The following TMTC1 variants were observed in gnomAD, a reference collection of about 807,000 sequenced individuals.
The protein encoded by TMTC1 is transmembrane O-mannosyltransferase targeting cadherins 1.
A neutral mutation model predicts 104.8 loss-of-function variants in TMTC1; 73 were observed. The observed-to-expected ratio is 0.70, with a 90% CI of 0.58 to 0.85. The LOEUF (loss-of-function observed/expected upper bound fraction) is 0.85. Among genes scored for constraint, TMTC1 ranks in the 40% least tolerant of loss-of-function variants. The probability of loss-of-function intolerance (pLI) is 0.00; values close to 1 mark genes in which losing one functional copy is unlikely to be tolerated. For synonymous variants in TMTC1, 434 were observed against 428.7 expected (o/e 1.01, Z -0.15); for missense variants, 1,035 against 1,096.1 (o/e 0.94, Z 0.79).
intron 5 of TMTC1, among the ~76,000 whole-genome samples, chr12:29,742,576 A>T (rs1942855174): frequency 6.6e-6 from 1 of 152,154 alleles, no homozygotes; most frequent in African/African-American, 2.4e-5. Context: ...AAAGCTAGTA[A>T]ATTAAGTCTT....
At chr12:29,658,689 C>G (rs1939873075) in intron 5 of TMTC1, 2 of 214,546 alleles carry the variant, frequency 9.3e-6, no homozygotes, top group African/African-American at 4.6e-5. Flanking sequence ...AACAATATCA[C>G]CTTTCTTATA....
rs1218241036 is a variant in TMTC1, at chr12:29,504,123, A to G, written c.*2723T>C. The G allele has an allele frequency of 6.6e-6, 1 of 151,894 alleles. No homozygotes were observed. Among genetic ancestry groups the G allele is most frequent in the East Asian group, 1.9e-4 (1 of 5,168 alleles). 9.4% of individuals were successfully genotyped at this position (151,894 alleles called of 1,614,324 possible). A position where few individuals can be genotyped will look rare whatever the true frequency, so the allele number is the denominator to read the frequency against. ...ATAAATAAGAAAAAATCAAACAGAC[A>G]TTCAACTGAGCTCGGGGTGCTTCTG... On this transcript the variant is annotated 3_prime_UTR_variant, in exon 18 of 18. Transcript: ENST00000539277.
chr12:29,605,694 GTTTA>G (rs979709028), intron 6 of TMTC1, among the ~76,000 whole-genome samples: 7 of 151,662 alleles, frequency 4.6e-5, no homozygotes, highest in South Asian at 4.2e-4. Flanking sequence ...AAACTGTATA[GTTTA>G]TTTATTTGTT....
chr12:29,518,324 G>T (rs564061292), intron 13 of TMTC1, 148 bp downstream of exon 13: 196 of 796,028 alleles, frequency 2.5e-4, no homozygotes, highest in Admixed American at 4.4e-4. Context: ...TATTGTGGTT[G>T]CTTTCTTTGG....
intron 5 of TMTC1, among the ~76,000 whole-genome samples, chr12:29,707,378 A>G (rs1941775627): frequency 6.6e-6 from 1 of 151,712 alleles, no homozygotes; most frequent in Non-Finnish European, 1.5e-5. Flanking sequence ...AGCTGTCTTT[A>G]CTCCTGCTCC....
At chr12:29,559,437 T>A (rs1166167617) in intron 9 of TMTC1, among the ~76,000 whole-genome samples, 1 of 152,246 alleles carries the variant, frequency 6.6e-6, no homozygotes, top group Non-Finnish European at 1.5e-5. Flanking sequence ...AATGGCTTTC[T>A]CTTTCTCTTT....
chr12:29,708,993 T>G (rs1043970073), intron 5 of TMTC1, among the ~76,000 whole-genome samples: 2 of 152,200 alleles, frequency 1.3e-5, no homozygotes, highest in African/African-American at 4.8e-5. Flanking sequence ...TCAGACTAGT[T>G]CTACAACGAG....
chr12:29,571,144 T>C (rs1336187037), intron 9 of TMTC1, among the ~76,000 whole-genome samples: 2 of 152,156 alleles, frequency 1.3e-5, no homozygotes, highest in Non-Finnish European at 2.9e-5. Context: ...CAACCAAATG[T>C]AGGCAACCAA....
intron 5 of TMTC1, among the ~76,000 whole-genome samples, chr12:29,651,871 C>A (rs187457314): frequency 1.3e-5 from 2 of 150,254 alleles, no homozygotes; most frequent in African/African-American, 4.9e-5. Flanking sequence ...AGAGGTAGGG[C>A]TAAGCAAATA....
rs374320006 is a variant in TMTC1, at chr12:29,647,021, GA to G, written c.939-13686del. Reference sequence around the variant, plus strand: ...TACAGAACAGCTTCAGCTTCGTTTCGAAAAAACATGTTTCTTTTTGAGACAG... The same window carrying G: ...TACAGAACAGCTTCAGCTTCGTTTCGAAAAACATGTTTCTTTTTGAGACAG... On this transcript the variant is annotated intron_variant, in intron 5 of 17. Coordinates refer to ENST00000539277, the MANE Select transcript of TMTC1 (RefSeq NM_001193451.2). Among the ~76,000 whole-genome samples the G allele has an allele frequency of 1.4e-3, 210 of 152,102 alleles. 4 individuals carry two copies. In the South Asian group the frequency reaches 0.042, roughly 30 times the overall value.
chr12:29,611,178 T>A (rs11050316), intron 6 of TMTC1, among the ~76,000 whole-genome samples: 1 of 66,188 alleles, frequency 1.5e-5, no homozygotes, highest in Non-Finnish European at 3.2e-5. Flanking sequence ...TCTGAACTTC[T>A]TTTTTTTTTT....
Position 29,502,670 on chromosome 12 carries a change from T to C in TMTC1, c.*4176A>G, listed in dbSNP as rs914734007. 4 of 152,222 alleles carry C rather than the reference T, an allele frequency of 2.6e-5. No individual in the cohort carries two copies. The highest frequency in any genetic ancestry group is 9.6e-5 in the African/African-American group (4 of 41,452). The allele number at this position is 152,222 out of a possible 1,614,324, so 9.4% of individuals were successfully genotyped here. On this transcript the variant is annotated 3_prime_UTR_variant, in exon 18 of 18. Transcript: ENST00000539277. ...AACCAACCAATTGTGCCATACATCATTGTTAAGACTTCTTTGGCTCATTTT... is the reference window on the plus strand; with the variant it reads ...AACCAACCAATTGTGCCATACATCACTGTTAAGACTTCTTTGGCTCATTTT...
chr12:29,602,211 T>A (rs1456229963), intron 7 of TMTC1, among the ~76,000 whole-genome samples: 2 of 152,134 alleles, frequency 1.3e-5, no homozygotes, highest in Non-Finnish European at 2.9e-5. Context: ...GGCACGATCA[T>A]GGTTCACTGC....
At chr12:29,585,752 T>TA (rs1298504635) in intron 7 of TMTC1, among the ~76,000 whole-genome samples, 1 of 152,200 alleles carries the variant, frequency 6.6e-6, no homozygotes, top group Non-Finnish European at 1.5e-5. Flanking sequence ...TAGTTGTAGA[T>TA]ATGCAGCATT....
chr12:29,604,050 C>T, intron 7 of TMTC1, 128 bp downstream of exon 7: 1 of 1,279,682 alleles, frequency 7.8e-7, no homozygotes, highest in Non-Finnish European at 1.1e-6. Flanking sequence ...GTTTTTAAAG[C>T]TGAAATAATA....
intron 6 of TMTC1, among the ~76,000 whole-genome samples, chr12:29,632,574 T>C (rs1938353311): frequency 6.6e-6 from 1 of 152,194 alleles, no homozygotes; most frequent in African/African-American, 2.4e-5. Context: ...TGATTGTAAG[T>C]TTCCTAAGGC....
chr12:29,524,662 C>G (rs185470029), intron 11 of TMTC1, among the ~76,000 whole-genome samples: 1 of 152,104 alleles, frequency 6.6e-6, no homozygotes, highest in African/African-American at 2.4e-5. Context: ...AGAGTGAAGG[C>G]CCCTGGCAGT....
At chr12:29,582,620 T>A (rs1036496644) in intron 8 of TMTC1, among the ~76,000 whole-genome samples, 3 of 152,192 alleles carry the variant, frequency 2.0e-5, no homozygotes, top group African/African-American at 7.2e-5. Flanking sequence ...CTTAATTCTG[T>A]ATGCCTTCCT....
chr12:29,590,219 C>T (rs1163098210), intron 7 of TMTC1, among the ~76,000 whole-genome samples: 1 of 152,108 alleles, frequency 6.6e-6, no homozygotes, highest in Admixed American at 6.5e-5. Context: ...GAATGAAGCC[C>T]TTTTCATTAT....
Sources: gnomAD v4.1 joint callset for allele counts (sites outside exome capture counted in the v4.1 genomes callset) on GRCh38, gnomAD v4.1.1 for gene constraint, MANE v1.5 for transcripts, NCBI Gene and HGNC (gene_info 2026-07-23, HGNC 2026-07-21) for gene names.